The following EDN1 variants were observed in gnomAD, a reference collection of about 807,000 sequenced individuals.
The protein encoded by EDN1 is endothelin-1.
In EDN1, 11 loss-of-function variants were observed where a neutral mutation model predicts 21.7. The observed-to-expected ratio is 0.51, with a 90% CI of 0.32 to 0.84. The LOEUF is 0.84. Among genes scored for constraint, EDN1 ranks in the 40% least tolerant of loss-of-function variants. The pLI, the probability that EDN1 is intolerant of heterozygous loss-of-function variation, is 0.03. For synonymous variants in EDN1, 85 were observed against 90.6 expected (o/e 0.94, Z 0.35); for missense variants, 244 against 262.3 (o/e 0.93, Z 0.48).
At chr6:12,292,808 A>G (rs1762719857) in intron 2 of EDN1, among the ~76,000 whole-genome samples, 1 of 152,194 alleles carries the variant, frequency 6.6e-6, no homozygotes, top group Non-Finnish European at 1.5e-5. Context: ...GGACACTCTC[A>G]CAGTGGCATC....
At chr6:12,253,089 T>C in the EDN1 span, among the ~76,000 whole-genome samples, 1 of 152,068 alleles carries the variant, frequency 6.6e-6, no homozygotes, top group African/African-American at 2.4e-5. Context: ...GACCATAAAA[T>C]ATAACCCCAC....
chr6:12,288,517 G>A (rs1044414264), upstream of EDN1, among the ~76,000 whole-genome samples: 4 of 123,306 alleles, frequency 3.2e-5, no homozygotes, highest in Non-Finnish European at 6.5e-5. Flanking sequence ...GCGGAGGCCA[G>A]GGGCCCCGGC....
At chr6:12,288,950 T>G (rs559536483), upstream of EDN1, among the ~76,000 whole-genome samples, 1 of 152,270 alleles carries the variant, frequency 6.6e-6, no homozygotes, top group African/African-American at 2.4e-5. Context: ...GACTCTAAAT[T>G]TATCCCATAG....
At chr6:12,239,377 G>T in the EDN1 span, among the ~76,000 whole-genome samples, 1 of 152,148 alleles carries the variant, frequency 6.6e-6, no homozygotes, top group African/African-American at 2.4e-5. Flanking sequence ...CTAGGTCATG[G>T]CCACCTAAAA....
At chr6:12,232,786 G>A in the EDN1 span, among the ~76,000 whole-genome samples, 1,036 of 152,290 alleles carry the variant, frequency 6.8e-3, 14 homozygotes, top group African/African-American at 0.024. Flanking sequence ...TGTGATTCAT[G>A]CATATACCTT....
upstream of EDN1, among the ~76,000 whole-genome samples, chr6:12,289,189 A>T (rs1762615852): frequency 6.6e-6 from 1 of 152,216 alleles, no homozygotes; most frequent in Non-Finnish European, 1.5e-5. Flanking sequence ...ATGTAAACAC[A>T]TTATTAAATG....
the EDN1 span, among the ~76,000 whole-genome samples, chr6:12,255,583 A>G: frequency 1.3e-5 from 2 of 152,216 alleles, no homozygotes; most frequent in Admixed American, 1.3e-4. Context: ...AAGTCTGCCA[A>G]TGTGTTTTTG....
chr6:12,280,895 AAAACAAAC>A, the EDN1 span, among the ~76,000 whole-genome samples: 1 of 152,242 alleles, frequency 6.6e-6, no homozygotes, highest in Non-Finnish European at 1.5e-5. Flanking sequence ...TCCATCTCAA[AAAACAAAC>A]AAACAAACAA....
At chr6:12,231,975 C>G in the EDN1 span, among the ~76,000 whole-genome samples, 1 of 150,990 alleles carries the variant, frequency 6.6e-6, no homozygotes, top group Non-Finnish European at 1.5e-5. Context: ...ACCATAAAGA[C>G]TTTTTTAGCA....
Position 12,294,405 on chromosome 6 carries a change from G to C in EDN1, c.533+1G>C. On this transcript the variant is annotated splice_donor_variant, in intron 4 of 4. Coordinates refer to ENST00000379375, the MANE Select transcript of EDN1 (RefSeq NM_001955.5). LOFTEE classifies it high-confidence loss of function. ...CAGAGGAACACCTAAGACAAACCAG[G>C]TAAGAGGGAAGGAAGAAAAATTAGG... The C allele has an allele frequency of 6.2e-7, 1 of 1,614,052 alleles. No individual in the cohort carries two copies. The highest frequency in any genetic ancestry group is 2.2e-5 in the East Asian group (1 of 44,872).
At chr6:12,249,495 T>C in the EDN1 span, among the ~76,000 whole-genome samples, 2 of 150,748 alleles carry the variant, frequency 1.3e-5, no homozygotes, top group Non-Finnish European at 3.0e-5. Flanking sequence ...TATAAAATGA[T>C]ACATCCCTAC....
At chr6:12,281,848 G>A in the EDN1 span, among the ~76,000 whole-genome samples, 1 of 152,074 alleles carries the variant, frequency 6.6e-6, no homozygotes, top group Non-Finnish European at 1.5e-5. Flanking sequence ...AAACATCACT[G>A]AGAATTTATT....
the EDN1 span, among the ~76,000 whole-genome samples, chr6:12,284,748 GAAGA>G: frequency 0.053 from 4,145 of 78,278 alleles, 94 homozygotes; most frequent in Middle Eastern, 0.1. Flanking sequence ...AGGAAGGAAG[GAAGA>G]AAGAAAGAAA....
chr6:12,277,340 T>A, the EDN1 span, among the ~76,000 whole-genome samples: 3 of 152,182 alleles, frequency 2.0e-5, no homozygotes, highest in Admixed American at 2.0e-4. Flanking sequence ...AAAACAATAG[T>A]GAACATTTAT....
chr6:12,245,900 T>G, the EDN1 span, among the ~76,000 whole-genome samples: 1 of 152,304 alleles, frequency 6.6e-6, no homozygotes, highest in East Asian at 1.9e-4. Flanking sequence ...AGAAAACTGT[T>G]TAAAATGTCA....
In EDN1 at chr6:12,292,409, T is replaced by C. The variant is rs1762708088; in HGVS notation, c.133T>C (p.Trp45Arg). 1 of 1,613,908 alleles carries C rather than the reference T, an allele frequency of 6.2e-7. No homozygotes were observed. The highest frequency in any genetic ancestry group is 1.3e-5 in the African/African-American group (1 of 74,948). Reference sequence around the variant, plus strand: ...GGAGAAACCCACTCCCAGTCCACCCTGGCGGCTCCGCCGGTCCAAGCGCTG... The same window carrying C: ...GGAGAAACCCACTCCCAGTCCACCCCGGCGGCTCCGCCGGTCCAAGCGCTG... ...GGEKPTPSPP[W>R]RLRRSKRCSC... The change falls in exon 2 of 5, where the codon TGG becomes CGG. Residue 45 changes from tryptophan (W) to arginine (R), a missense_variant. Trp to Arg is a moderately radical substitution (Grantham distance 101, BLOSUM62 -3). Coordinates refer to ENST00000379375, the MANE Select transcript of EDN1 (RefSeq NM_001955.5).
the EDN1 span, among the ~76,000 whole-genome samples, chr6:12,241,975 G>T: frequency 6.6e-6 from 1 of 152,214 alleles, no homozygotes; most frequent in Non-Finnish European, 1.5e-5. Flanking sequence ...AGGCTTGGGG[G>T]AAGGAAGTTA....
chr6:12,268,086 T>C, the EDN1 span, among the ~76,000 whole-genome samples: 1 of 152,198 alleles, frequency 6.6e-6, no homozygotes, highest in Non-Finnish European at 1.5e-5. Context: ...TCATTGACAA[T>C]GTACCTGGTT....
Position 12,294,424 on chromosome 6 carries a change from A to T in EDN1, c.533+20A>T. 6.2e-7 allele frequency: 1 copy of T among 1,613,842 alleles called. No homozygotes were observed. The highest frequency in any genetic ancestry group is 8.5e-7 in the Non-Finnish European group (1 of 1,179,914). On this transcript the variant is annotated intron_variant, in intron 4 of 4. Transcript: ENST00000379375. ...AACCAGGTAAGAGGGAAGGAAGAAA[A>T]ATTAGGTAAGAGGTTCACAAGAACA... is the stretch of plus-strand genomic sequence containing the variant.
Sources: allele counts gnomAD v4.1 joint callset (sites outside exome capture counted in the v4.1 genomes callset), GRCh38; gene constraint gnomAD v4.1.1; transcripts MANE v1.5; gene names NCBI Gene and HGNC (gene_info 2026-07-23, HGNC 2026-07-21).